Variants in RNF152 observed in about 807,000 individuals in gnomAD.
RNF152 encodes E3 ubiquitin-protein ligase RNF152.
RNF152 carries 11 observed loss-of-function variants against 12.7 expected under a neutral mutation model. The observed-to-expected ratio is 0.86, with a 90% confidence interval of 0.54 to 1.43. RNF152 has a LOEUF of 1.43. RNF152 is among the 40% of genes most tolerant of loss of function. The pLI, the probability that RNF152 is intolerant of heterozygous loss-of-function variation, is 0.00. For missense variants in RNF152, 255 were observed against 274.8 expected (o/e 0.93, Z 0.51); for synonymous variants, 113 against 120.3 (o/e 0.94, Z 0.40).
intron 1 of RNF152, among the ~76,000 whole-genome samples, chr18:61,824,976 A>T (rs901376016): frequency 1.3e-5 from 2 of 152,234 alleles, no homozygotes; most frequent in Non-Finnish European, 2.9e-5. Context: ...GAGCAAATAA[A>T]GATGATCAAT....
At chr18:61,861,234 C>A (rs1911463646) in intron 1 of RNF152, among the ~76,000 whole-genome samples, 1 of 152,324 alleles carries the variant, frequency 6.6e-6, no homozygotes, top group South Asian at 2.1e-4. Flanking sequence ...AGAGCAACTT[C>A]CAGTCCTGCA....
intron 1 of RNF152, among the ~76,000 whole-genome samples, chr18:61,871,003 T>G (rs1911967102): frequency 6.6e-6 from 1 of 152,162 alleles, no homozygotes. Context: ...CCCAAGGCCC[T>G]GCACCTGCTT....
intron 1 of RNF152, among the ~76,000 whole-genome samples, chr18:61,849,441 G>A (rs961991276): frequency 3.3e-5 from 5 of 152,184 alleles, no homozygotes; most frequent in East Asian, 1.9e-4. Context: ...CAATTACAAC[G>A]AATAACTACA....
intron 1 of RNF152, among the ~76,000 whole-genome samples, chr18:61,868,802 C>T (rs1018927234): frequency 1.3e-5 from 2 of 152,100 alleles, no homozygotes; most frequent in Admixed American, 6.5e-5. Context: ...CAGTAGTGTG[C>T]CTTGTAGTTA....
intron 1 of RNF152, among the ~76,000 whole-genome samples, chr18:61,892,198 C>T (rs1226757787): frequency 6.6e-6 from 1 of 152,210 alleles, no homozygotes; most frequent in Non-Finnish European, 1.5e-5. Flanking sequence ...TAAATGGAAA[C>T]TTCACTCAAG....
intron 1 of RNF152, among the ~76,000 whole-genome samples, chr18:61,866,566 C>T (rs748946098): frequency 3.3e-5 from 5 of 152,212 alleles, no homozygotes; most frequent in Non-Finnish European, 7.4e-5. Flanking sequence ...GGTGACTTGG[C>T]TACATTTCCA....
chr18:61,834,657 G>A (rs972261931), intron 1 of RNF152, among the ~76,000 whole-genome samples: 2 of 148,248 alleles, frequency 1.3e-5, no homozygotes, highest in African/African-American at 2.5e-5. Context: ...TAGAAGGGGT[G>A]AAAACTAACT....
intron 1 of RNF152, among the ~76,000 whole-genome samples, chr18:61,832,363 A>G (rs1909989625): frequency 6.6e-6 from 1 of 152,170 alleles, no homozygotes; most frequent in East Asian, 1.9e-4. Flanking sequence ...TAAAAGTAAA[A>G]ATGTCTATTT....
In RNF152 at chr18:61,813,128, A is replaced by T. The variant is rs1908888038; in HGVS notation, c.*2724T>A. On this transcript the variant is annotated 3_prime_UTR_variant, in exon 2 of 2. Coordinates refer to ENST00000312828, the MANE Select transcript of RNF152 (RefSeq NM_173557.3). ...GAATCCTGGCCTCTTGTGTCAGTGG[A>T]CTTTGGTCACATGGGTAGATGTGTT... 1 of 152,122 alleles carries T rather than the reference A, an allele frequency of 6.6e-6. No homozygotes were observed. The highest frequency in any genetic ancestry group is 1.5e-5 in the Non-Finnish European group (1 of 68,036). The allele number at this position is 152,122 out of a possible 1,614,324, so 9.4% of individuals were successfully genotyped here.
In RNF152 at chr18:61,855,649, G is replaced by A. The variant is rs150386212; in HGVS notation, c.-136+37146C>T. Among the ~76,000 whole-genome samples, 1,165 of 152,354 alleles carry A rather than the reference G, an allele frequency of 7.6e-3. 9 individuals are homozygous for A. Among genetic ancestry groups the A allele is most frequent in the Non-Finnish European group, 0.011 (721 of 68,024 alleles). On this transcript the variant is annotated intron_variant, in intron 1 of 1. Coordinates refer to ENST00000312828, the MANE Select transcript of RNF152 (RefSeq NM_173557.3). ...TGCCTGCCCCGCTGCAGCCCCTGGT[G>A]TGCCTGGCTGTGCACAGTGGCTGGA...
chr18:61,847,151 CAG>C (rs139219442), intron 1 of RNF152, among the ~76,000 whole-genome samples: 5,765 of 152,026 alleles, frequency 0.038, 156 homozygotes, highest in South Asian at 0.066. Flanking sequence ...ACCAAGAAAA[CAG>C]AACTTTCAGA....
chr18:61,885,310 T>TTTTGTTTG (rs60594023), intron 1 of RNF152, among the ~76,000 whole-genome samples: 78,307 of 151,170 alleles, frequency 0.52, 20,308 homozygotes, highest in East Asian at 0.75. Flanking sequence ...ACTGAGAGTG[T>TTTTGTTTG]TTTGTTTGTT....
chr18:61,844,094 G>GAAAGAAAGAAAGAAAGAA (rs1555702320), intron 1 of RNF152, among the ~76,000 whole-genome samples: 443 of 110,328 alleles, frequency 4.0e-3, no homozygotes, highest in Non-Finnish European at 4.9e-3. Context: ...AAGAAAGAAA[G>GAAAGAAAGAAAGAAAGAA]AAAGAAAGAA....
At position 61,829,911 on chromosome 18, in the gene RNF152, C is replaced by T. The variant is rs544805347; in HGVS notation, c.-135-13313G>A. Among the ~76,000 whole-genome samples, 17 of 151,990 alleles carry T rather than the reference C, an allele frequency of 1.1e-4. No homozygotes were observed. In the South Asian group the frequency reaches 1.5e-3, roughly 13 times the overall value. ...GGGGCAAGTGTAACCATTATAATGGCGTTATTATTGCTATTAATATTCTTA... is the reference window on the plus strand; with the variant it reads ...GGGGCAAGTGTAACCATTATAATGGTGTTATTATTGCTATTAATATTCTTA... On this transcript the variant is annotated intron_variant, in intron 1 of 1. Transcript: ENST00000312828.
At chr18:61,885,570 A>C (rs1258264585) in intron 1 of RNF152, among the ~76,000 whole-genome samples, 2 of 152,180 alleles carry the variant, frequency 1.3e-5, no homozygotes, top group Non-Finnish European at 2.9e-5. Flanking sequence ...AGCCTCCCAA[A>C]GTGCTGGAAT....
chr18:61,827,200 CA>C (rs1464039789), intron 1 of RNF152, among the ~76,000 whole-genome samples: 1 of 152,170 alleles, frequency 6.6e-6, no homozygotes, highest in Non-Finnish European at 1.5e-5. Flanking sequence ...TAGCAGGCCA[CA>C]AAGTAGCTGA....
In RNF152 at chr18:61,813,038, AC is replaced by A. The variant is rs1908885010; in HGVS notation, c.*2813del. 1 of 152,148 alleles carries A rather than the reference AC, an allele frequency of 6.6e-6. No individual in the cohort carries two copies. The highest frequency in any genetic ancestry group is 2.4e-5 in the African/African-American group (1 of 41,424). The allele number at this position is 152,148 out of a possible 1,614,324, so 9.4% of individuals were successfully genotyped here. On this transcript the variant is annotated 3_prime_UTR_variant, in exon 2 of 2. Coordinates refer to ENST00000312828, the MANE Select transcript of RNF152 (RefSeq NM_173557.3). ...ACGGACTCATCTACAAAATGAAGCCACCGGAGGCTGCTTTCAGCTCTTTCTG... is the reference window on the plus strand; with the variant it reads ...ACGGACTCATCTACAAAATGAAGCCACGGAGGCTGCTTTCAGCTCTTTCTG...
chr18:61,843,802 G>C (rs1375611708), intron 1 of RNF152, among the ~76,000 whole-genome samples: 1 of 152,022 alleles, frequency 6.6e-6, no homozygotes, highest in East Asian at 1.9e-4. Flanking sequence ...CCAGGGAATG[G>C]GGAAAGAGGA....
At chr18:61,834,718 T>C (rs79428439) in intron 1 of RNF152, among the ~76,000 whole-genome samples, 7,337 of 152,298 alleles carry the variant, frequency 0.048, 234 homozygotes, top group Non-Finnish European at 0.068. Context: ...TACCAGTATT[T>C]GCAGGCAATT....
Sources: allele counts gnomAD v4.1 joint callset (sites outside exome capture counted in the v4.1 genomes callset), GRCh38; gene constraint gnomAD v4.1.1; transcripts MANE v1.5; gene names NCBI Gene and HGNC (gene_info 2026-07-23, HGNC 2026-07-21).